Variants in DHX37 observed in about 807,000 individuals in gnomAD.
DHX37 encodes the protein DEAH-box helicase 37, also known as probable ATP-dependent RNA helicase DHX37.
A neutral mutation model predicts 134.3 loss-of-function variants in DHX37; 52 were observed. That is an observed-to-expected ratio of 0.39 (90% CI 0.31 to 0.49). The LOEUF is 0.49. Ranked by LOEUF, DHX37 falls within the 20% of genes least tolerant of loss-of-function variation. DHX37 has a pLI of 0.93. For missense variants in DHX37, 1,344 were observed against 1,580.8 expected (o/e 0.85, Z 2.54); for synonymous variants, 634 against 670.7 (o/e 0.95, Z 0.85).
In DHX37 at chr12:124,968,925, C is replaced by T. The variant is rs368046437; in HGVS notation, c.1235G>A (p.Arg412Gln). 12 of 1,613,950 alleles carry T rather than the reference C, an allele frequency of 7.4e-6. No individual in the cohort carries two copies. Among genetic ancestry groups the T allele is most frequent in the South Asian group, 6.6e-5 (6 of 91,076 alleles). Residue 412 changes from arginine to glutamine, a missense_variant, in exon 9 of 27, where the codon CGG (arginine) becomes CAG (glutamine). Arg to Gln is a conservative substitution (Grantham distance 43). This residue lies in a region of DHX37 where 289 missense variants were observed against 323.8 expected (regional missense o/e 0.89). Coordinates refer to ENST00000308736, the MANE Select transcript of DHX37 (RefSeq NM_032656.4). ...LKLLIMSATL[R>Q]VEDFTQNPRL... is the part of the protein sequence containing the mutation. ...TGGGTTCTGGGTGAAGTCCTCCACCCGCAGCGTGGCCGACATGATGAGCAG... is the reference window on the plus strand; with the variant it reads ...TGGGTTCTGGGTGAAGTCCTCCACCTGCAGCGTGGCCGACATGATGAGCAG...
At chr12:124,953,597 T>G in intron 20 of DHX37, 1 of 436,724 alleles carries the variant, frequency 2.3e-6, no homozygotes, top group Non-Finnish European at 4.2e-6. Flanking sequence ...GCCACAGCGG[T>G]GATGGAAAAT....
At position 124,976,834 on chromosome 12, in the gene DHX37, A is replaced by T. The variant is rs558501546; in HGVS notation, c.887+508T>A. ...AACAGAGTGAGGCTCCGTCTCAAAA[A>T]TAATAATAATAAAAAGAAAAAAGAA... is the stretch of plus-strand genomic sequence containing the variant. On this transcript the variant is annotated intron_variant, in intron 5 of 26. Transcript: ENST00000308736. 1.9e-3 allele frequency among the ~76,000 whole-genome samples: 284 copies of T among 146,262 alleles called. 1 individual carries two copies. The highest frequency in any genetic ancestry group is 3.1e-3 in the Non-Finnish European group (206 of 65,538).
chr12:124,974,241 A>G lies in DHX37; in HGVS notation c.980+1178T>C, dbSNP rs1401090558. The stretch of plus-strand genomic sequence containing the variant: ...AGTGCTGGGATTACAGGCGTGAGCC[A>G]CCGCACCCGGCCACCCAGTCCCCAA... On this transcript the variant is annotated intron_variant, in intron 6 of 26. Coordinates refer to ENST00000308736, the MANE Select transcript of DHX37 (RefSeq NM_032656.4). 5.3e-5 allele frequency among the ~76,000 whole-genome samples: 8 copies of G among 151,940 alleles called. No homozygotes were observed. In the South Asian group the frequency reaches 1.5e-3, roughly 28 times the overall value.
rs747120066 is a variant in DHX37, at chr12:124,952,381, G to A, written c.2868+17C>T. The A allele has an allele frequency of 1.5e-5, 24 of 1,596,796 alleles. No individual in the cohort carries two copies. The highest frequency in any genetic ancestry group is 2.0e-5 in the Non-Finnish European group (24 of 1,174,564). ...GTGCCCCAAGCTACCCGGGCAGGGA[G>A]GCGGTGGGGGCCGCACCTTGTAGGC... On this transcript the variant is annotated intron_variant, in intron 21 of 26. Coordinates refer to ENST00000308736, the MANE Select transcript of DHX37 (RefSeq NM_032656.4).
At position 124,980,366 on chromosome 12, in the gene DHX37, C is replaced by G. The variant is rs897894257; in HGVS notation, c.738+124G>C. ...TCAAGGGAGGCGCAGTCACTCTCCC[C>G]TTTCCCAGATGGGGACATGGAGGCA... On this transcript the variant is annotated intron_variant, in intron 4 of 26. Transcript: ENST00000308736. The surrounding 1 kb of genome is among the most constrained non-coding windows in gnomAD (Gnocchi z 5.3). 2.6e-6 allele frequency: 3 copies of G among 1,136,242 alleles called. No individual in the cohort carries two copies. In the African/African-American group the frequency reaches 4.7e-5, roughly 18 times the overall value. 70.4% of individuals were successfully genotyped at this position (1,136,242 alleles called of 1,614,324 possible).
intron 3 of DHX37, 124 bp downstream of exon 3, chr12:124,982,387 C>A: frequency 7.7e-7 from 1 of 1,299,950 alleles, no homozygotes; most frequent in Non-Finnish European, 1.0e-6. Context: ...GAATTTTCAG[C>A]CACTCAGGCC....
At chr12:124,979,236 C>T (rs1330047148) in intron 4 of DHX37, among the ~76,000 whole-genome samples, 1 of 152,152 alleles carries the variant, frequency 6.6e-6, no homozygotes, top group Non-Finnish European at 1.5e-5. Context: ...AGCGTAGTAG[C>T]GTGTGCCCAC....
At position 124,975,561 on chromosome 12, in the gene DHX37, A is replaced by G. The variant is rs761145016; in HGVS notation, c.888-50T>C. 6.3e-6 allele frequency: 10 copies of G among 1,585,662 alleles called. No individual in the cohort carries two copies. The East Asian group carries it at 9.0e-5, about 14-fold the overall frequency. The stretch of plus-strand genomic sequence containing the variant: ...CAACAGTGCGCGGCCCCACCTGTTC[A>G]TGCCAAAGCCTCATGCAGTTCCACA... On this transcript the variant is annotated intron_variant, in intron 5 of 26. Coordinates refer to ENST00000308736, the MANE Select transcript of DHX37 (RefSeq NM_032656.4).
At chr12:124,953,750 G>T in intron 20 of DHX37, 130 bp downstream of exon 20, 1 of 1,404,406 alleles carries the variant, frequency 7.1e-7, no homozygotes, top group Non-Finnish European at 9.4e-7. Flanking sequence ...TATTGATTTA[G>T]GGTTATAAAT....
At chr12:124,983,349 G>A (rs556097951) in intron 2 of DHX37, among the ~76,000 whole-genome samples, 69 of 151,052 alleles carry the variant, frequency 4.6e-4, no homozygotes, top group African/African-American at 1.1e-3. Context: ...TGCCCGCCTC[G>A]GCCTCCCAAA....
chr12:124,976,194 G>A (rs901171581), intron 5 of DHX37, among the ~76,000 whole-genome samples: 2 of 152,238 alleles, frequency 1.3e-5, no homozygotes, highest in African/African-American at 2.4e-5. Flanking sequence ...TCCTGTGTGA[G>A]TCCACCGGGA....
chr12:124,952,738 G>A, intron 20 of DHX37, 168 bp from the exon 21 acceptor site: 1 of 557,992 alleles, frequency 1.8e-6, no homozygotes, highest in Non-Finnish European at 2.8e-6. Flanking sequence ...CAGCAGGCAG[G>A]ATTGCAGCCG....
chr12:124,975,086 ACTTTAGAAC>A (rs1201881849), intron 6 of DHX37, among the ~76,000 whole-genome samples: 1 of 152,104 alleles, frequency 6.6e-6, no homozygotes, highest in Non-Finnish European at 1.5e-5. Context: ...AAGATTTTGT[ACTTTAGAAC>A]CTTGAGTTTT....
intron 15 of DHX37, 95 bp downstream of exon 15, chr12:124,964,299 A>G: frequency 6.4e-7 from 1 of 1,571,756 alleles, no homozygotes; most frequent in Non-Finnish European, 8.6e-7. Flanking sequence ...GGAACATACT[A>G]CAGATGGAGG....
chr12:124,961,227 C>CATACACGCGT (rs1472403983), intron 15 of DHX37, among the ~76,000 whole-genome samples: 35 of 113,508 alleles, frequency 3.1e-4, no homozygotes, highest in African/African-American at 1.6e-3. Flanking sequence ...CGCACACGCA[C>CATACACGCGT]GCACACACAC....
intron 1 of DHX37, among the ~76,000 whole-genome samples, chr12:124,987,308 A>T (rs1362322839): frequency 6.6e-6 from 1 of 152,196 alleles, no homozygotes; most frequent in African/African-American, 2.4e-5. Context: ...ACGCCACTGC[A>T]CTCCAGCCTA....
In DHX37 at chr12:124,975,465, C is replaced by T. The variant is rs200112553; in HGVS notation, c.934G>A (p.Val312Met). 79 of 1,612,916 alleles carry T rather than the reference C, an allele frequency of 4.9e-5. No individual in the cohort carries two copies. Among genetic ancestry groups the T allele is most frequent in the East Asian group, 3.1e-4 (14 of 44,882 alleles). The change falls in exon 6 of 27, where the codon GTG (valine) becomes ATG (methionine). Residue 312 changes from valine (V) to methionine (M), a missense_variant. Val to Met is a conservative substitution (Grantham distance 21). Transcript: ENST00000308736. Reference sequence around the variant, plus strand: ...TTGGCCACTCGCTGGGACATGGCCACGGCGGCCACTCGGCGGGGCTCCGTG... The same window carrying T: ...TTGGCCACTCGCTGGGACATGGCCATGGCGGCCACTCGGCGGGGCTCCGTG... ...GVTEPRRVAAVAMSQRVAKEM... is the reference protein window; with the variant it reads ...GVTEPRRVAAMAMSQRVAKEM...
At chr12:124,963,695 C>T (rs1365162851) in intron 15 of DHX37, among the ~76,000 whole-genome samples, 1 of 148,320 alleles carries the variant, frequency 6.7e-6, no homozygotes, top group East Asian at 2.0e-4. Context: ...CGGTGAAAAC[C>T]CATCTCTACT....
chr12:124,982,027 G>A (rs1954771484), intron 3 of DHX37, among the ~76,000 whole-genome samples: 1 of 151,914 alleles, frequency 6.6e-6, no homozygotes, highest in East Asian at 2.0e-4. Flanking sequence ...GGAGGCTGAG[G>A]CAGGAGAATC....
Sources: gnomAD v4.1 joint callset for allele counts (sites outside exome capture counted in the v4.1 genomes callset) on GRCh38, gnomAD v4.1.1 for gene constraint, gnomAD v4.1.1 regional missense constraint, Gnocchi (gnomAD v3.1) non-coding constraint, MANE v1.5 for transcripts, NCBI Gene and HGNC (gene_info 2026-07-23, HGNC 2026-07-21) for gene names.